The following SRSF1 variants were observed in gnomAD, a reference collection of about 807,000 sequenced individuals.
The protein encoded by SRSF1 is serine and arginine rich splicing factor 1, also known as serine/arginine-rich splicing factor 1.
A neutral mutation model predicts 25.9 loss-of-function variants in SRSF1; 1 was observed. That is an observed-to-expected ratio of 0.04 (90% CI 0.01 to 0.18). The LOEUF is 0.18. Ranked by LOEUF, SRSF1 falls within the 10% of genes least tolerant of loss-of-function variation. SRSF1 has a pLI of 1.00. For synonymous variants in SRSF1, 132 were observed against 126.2 expected, an observed-to-expected ratio of 1.05 and a Z score of -0.31; for missense variants, 65 against 350.5, an observed-to-expected ratio of 0.19 and a Z score of 6.50.
At position 58,007,204 on chromosome 17, in the gene SRSF1, G is replaced by GCCCGCAGCGGCACCACGTCT; in HGVS notation, c.-87_-68dup. On this transcript the variant is annotated 5_prime_UTR_variant, in exon 1 of 4. Transcript: ENST00000258962. ...CCAAGCCTAGCGCACGGCAGAGCGA[G>GCCCGCAGCGGCACCACGTCT]CCCGCAGCGGCACCACGTCTCCCGC... 1.3e-6 allele frequency: 2 copies of GCCCGCAGCGGCACCACGTCT among 1,573,558 alleles called. No individual in the cohort carries two copies. The highest frequency in any genetic ancestry group is 1.7e-6 in the Non-Finnish European group (2 of 1,154,808).
chr17:57,997,061 A>C (rs1335749958), downstream of SRSF1, among the ~76,000 whole-genome samples: 1 of 152,208 alleles, frequency 6.6e-6, no homozygotes, highest in African/African-American at 2.4e-5. Context: ...TTAAAAGAGA[A>C]TGACTGAAAA....
At chr17:57,991,131 C>T in the SRSF1 span, 4 of 152,218 alleles carry the variant, frequency 2.6e-5, no homozygotes, top group Admixed American at 2.6e-4. Context: ...GACAGGTTTT[C>T]TCCCATCCAT....
rs1424721465 is a variant in SRSF1 at position 58,004,076 on chromosome 17, G to A, written c.*1330C>T. 1 of 152,646 alleles carries A rather than the reference G, an allele frequency of 6.6e-6. No homozygotes were observed. Among genetic ancestry groups the A allele is most frequent in the Non-Finnish European group, 1.5e-5 (1 of 68,038 alleles). The allele number at this position is 152,646 out of a possible 1,614,324, so 9.5% of individuals were successfully genotyped here. On this transcript the variant is annotated 3_prime_UTR_variant, in exon 4 of 4. Transcript: ENST00000258962. ...TAATCAAAAAAGGTTTCTGGGGAATGATGAGTTATGTCTGTCATCAGTTTA... is the reference window on the plus strand; with the variant it reads ...TAATCAAAAAAGGTTTCTGGGGAATAATGAGTTATGTCTGTCATCAGTTTA...
chr17:57,999,654 T>G (rs2075378328), downstream of SRSF1, among the ~76,000 whole-genome samples: 1 of 152,226 alleles, frequency 6.6e-6, no homozygotes, highest in African/African-American at 2.4e-5. Flanking sequence ...GGGGATTATT[T>G]CCTGCTTAAT....
Position 58,003,005 on chromosome 17 carries a change from CTG to C in SRSF1, c.*2399_*2400del, listed in dbSNP as rs1175808046. Reference sequence around the variant, plus strand: ...CCAGTCTGGAGAACAGAGCGAGACTCTGTCTCAAAAACAAAAAACAGTTCTAA... The same window carrying C: ...CCAGTCTGGAGAACAGAGCGAGACTCTCTCAAAAACAAAAAACAGTTCTAA... On this transcript the variant is annotated 3_prime_UTR_variant, in exon 4 of 4. Coordinates refer to ENST00000258962, the MANE Select transcript of SRSF1 (RefSeq NM_006924.5). Among the ~76,000 whole-genome samples the C allele has an allele frequency of 6.6e-6, 1 of 152,004 alleles. No homozygotes were observed. The highest frequency in any genetic ancestry group is 1.5e-5 in the Non-Finnish European group (1 of 67,888).
At chr17:58,006,280 C>A in intron 2 of SRSF1, 63 bp downstream of exon 2, 1 of 1,528,340 alleles carries the variant, frequency 6.5e-7, no homozygotes, top group South Asian at 1.3e-5. Context: ...ACCTGTCACG[C>A]AAGAGAAAAA....
chr17:57,996,054 AAC>A (rs575618784), downstream of SRSF1, among the ~76,000 whole-genome samples: 5 of 152,350 alleles, frequency 3.3e-5, no homozygotes, highest in South Asian at 2.1e-4. Flanking sequence ...CTGACTAAAG[AAC>A]ACAGTGTCTC....
chr17:57,996,010 C>A (rs1347245575), downstream of SRSF1, among the ~76,000 whole-genome samples: 1 of 152,082 alleles, frequency 6.6e-6, no homozygotes, highest in Non-Finnish European at 1.5e-5. Flanking sequence ...AGGGTATAAA[C>A]CTTTGAGGTT....
chr17:58,007,158 A>C lies in SRSF1; in HGVS notation c.-21T>G, dbSNP rs540266158. 1 of 1,612,926 alleles carries C rather than the reference A, an allele frequency of 6.2e-7. No individual in the cohort carries two copies. Among genetic ancestry groups the C allele is most frequent in the Admixed American group, 1.7e-5 (1 of 60,002 alleles). On this transcript the variant is annotated 5_prime_UTR_variant, in exon 1 of 4. Coordinates refer to ENST00000258962, the MANE Select transcript of SRSF1 (RefSeq NM_006924.5). ...GACATGGCGGTGACGAAAAGCGCGG[A>C]CTCGAGAACAGGCCTTCCCACCAAG...
the SRSF1 span, among the ~76,000 whole-genome samples, chr17:57,995,086 A>G: frequency 6.6e-6 from 1 of 152,250 alleles, no homozygotes; most frequent in East Asian, 1.9e-4. Flanking sequence ...TAGATTACCA[A>G]CTAGGGTTGC....
the SRSF1 span, chr17:57,990,573 A>G: frequency 1.3e-5 from 2 of 152,222 alleles, no homozygotes; most frequent in African/African-American, 4.8e-5. Flanking sequence ...GGCTATTTCT[A>G]CTTTTAGGAC....
rs1228488486 is a variant in SRSF1 at position 58,002,386 on chromosome 17, A to G, written c.*3020T>C. Among the ~76,000 whole-genome samples, 3 of 152,206 alleles carry G rather than the reference A, an allele frequency of 2.0e-5. No homozygotes were observed. The highest frequency in any genetic ancestry group is 2.0e-4 in the Admixed American group (3 of 15,282). On this transcript the variant is annotated 3_prime_UTR_variant, in exon 4 of 4. Coordinates refer to ENST00000258962, the MANE Select transcript of SRSF1 (RefSeq NM_006924.5). Reference sequence around the variant, plus strand: ...GATTTCTGGTTTTCCTTAGGTTTTTAATTGTCACCCAAATAATCACCTTAA... The same window carrying G: ...GATTTCTGGTTTTCCTTAGGTTTTTGATTGTCACCCAAATAATCACCTTAA...
At chr17:57,998,012 C>T (rs1242831646), downstream of SRSF1, among the ~76,000 whole-genome samples, 11 of 152,072 alleles carry the variant, frequency 7.2e-5, no homozygotes. Context: ...ATCAGAAGTT[C>T]AGAGACCAGC....
rs767706144 is a variant in SRSF1, at chr17:58,003,471, G to A, written c.*1935C>T. 14 of 152,136 alleles carry A rather than the reference G, an allele frequency of 9.2e-5. No homozygotes were observed. The highest frequency in any genetic ancestry group is 2.1e-4 in the Non-Finnish European group (14 of 68,030). 9.4% of individuals were successfully genotyped at this position (152,136 alleles called of 1,614,324 possible). A position where few individuals can be genotyped will look rare whatever the true frequency, so the allele number is the denominator to read the frequency against. ...AGACCCAGTTAGAATCTTACATGAAGAGGAAAAAGGACAACCATGCATAGT... is the reference window on the plus strand; with the variant it reads ...AGACCCAGTTAGAATCTTACATGAAAAGGAAAAAGGACAACCATGCATAGT... On this transcript the variant is annotated 3_prime_UTR_variant, in exon 4 of 4. Transcript: ENST00000258962.
chr17:58,005,565 C>T lies in SRSF1; in HGVS notation c.588G>A (p.Gly196=), dbSNP rs752398190. 1.2e-6 allele frequency: 2 copies of T among 1,614,126 alleles called. No individual in the cohort carries two copies. The highest frequency in any genetic ancestry group is 1.6e-4 in the Middle Eastern group (1 of 6,062). The change falls in exon 4 of 4, where the codon GGG becomes GGA. Residue 196 remains glycine (G), a synonymous_variant. Coordinates refer to ENST00000258962, the MANE Select transcript of SRSF1 (RefSeq NM_006924.5). This position sits in a 1 kb window ranked among gnomAD's most constrained non-coding sequence, Gnocchi z 5.2. ...ATCTTCCATAACTTGGACTTCTGGGCCCATCAACTTTAACCCGGATGTAGG... is the reference window on the plus strand; with the variant it reads ...ATCTTCCATAACTTGGACTTCTGGGTCCATCAACTTTAACCCGGATGTAGG... ...ETAYIRVKVD[G]PRSPSYGRSR...
chr17:58,006,012 T>C, intron 2 of SRSF1, 39 bp from the exon 3 acceptor site: 1 of 1,583,768 alleles, frequency 6.3e-7, no homozygotes, highest in Non-Finnish European at 8.6e-7. Context: ...ACCAATTATC[T>C]TAAATTTCAC....
Position 58,003,185 on chromosome 17 carries a change from G to C in SRSF1, c.*2221C>G. Among the ~76,000 whole-genome samples the C allele has an allele frequency of 6.6e-6, 1 of 150,504 alleles. No individual in the cohort carries two copies. Among genetic ancestry groups the C allele is most frequent in the African/African-American group, 2.4e-5 (1 of 40,962 alleles). On this transcript the variant is annotated 3_prime_UTR_variant, in exon 4 of 4. Transcript: ENST00000258962. ...GTCTATGACCACCAGAAAATAAGCAGCATCTATAGTTTTTTAACCACTTTA... is the reference window on the plus strand; with the variant it reads ...GTCTATGACCACCAGAAAATAAGCACCATCTATAGTTTTTTAACCACTTTA...
Position 58,005,292 on chromosome 17 carries a change from C to A in SRSF1, c.*114G>T. The A allele has an allele frequency of 8.7e-7, 1 of 1,152,374 alleles. No individual in the cohort carries two copies. The allele number at this position is 1,152,374 out of a possible 1,614,324, so 71.4% of individuals were successfully genotyped here. ...AAGGGGATATTACAAGAATGCAATT[C>A]AACACTTTAGCCCATTCTGAACAAA... is the stretch of plus-strand genomic sequence containing the variant. On this transcript the variant is annotated 3_prime_UTR_variant, in exon 4 of 4. Transcript: ENST00000258962. This position sits in a 1 kb window ranked among gnomAD's most constrained non-coding sequence, Gnocchi z 5.2.
chr17:58,004,251 T>C lies in SRSF1; in HGVS notation c.*1155A>G, dbSNP rs1310746406. The C allele has an allele frequency of 6.6e-6, 1 of 152,664 alleles. No homozygotes were observed. Among genetic ancestry groups the C allele is most frequent in the East Asian group, 1.9e-4 (1 of 5,200 alleles). The allele number at this position is 152,664 out of a possible 1,614,324, so 9.5% of individuals were successfully genotyped here. A position where few individuals can be genotyped will look rare whatever the true frequency, so the allele number is the denominator to read the frequency against. Reference sequence around the variant, plus strand: ...CTGATAATGCCAACACTTGTTACTGTACAGCGTATTACAGGTTTCGTGGTT... The same window carrying C: ...CTGATAATGCCAACACTTGTTACTGCACAGCGTATTACAGGTTTCGTGGTT... On this transcript the variant is annotated 3_prime_UTR_variant, in exon 4 of 4. Transcript: ENST00000258962.
Sources: gnomAD v4.1 joint callset for allele counts (sites outside exome capture counted in the v4.1 genomes callset) on GRCh38, gnomAD v4.1.1 for gene constraint, Gnocchi (gnomAD v3.1) non-coding constraint, MANE v1.5 for transcripts, NCBI Gene and HGNC (gene_info 2026-07-23, HGNC 2026-07-21) for gene names.